Variants in CSMD2 observed in about 807,000 individuals in gnomAD.
CSMD2 encodes the protein CUB and sushi domain-containing protein 2.
Under a neutral mutation model 398.5 loss-of-function variants are expected in CSMD2, and 130 were observed. That is an observed-to-expected ratio of 0.33 (90% CI 0.28 to 0.38). The LOEUF (loss-of-function observed/expected upper bound fraction) is 0.38. CSMD2 is among the 10% of genes least tolerant of loss of function. The probability of loss-of-function intolerance (pLI) is 1.00; values close to 1 mark genes in which losing one functional copy is unlikely to be tolerated. For missense variants in CSMD2, 3,829 were observed against 4,764.9 expected (o/e 0.80, Z 5.78); for synonymous variants, 1,828 against 1,908.5 (o/e 0.96, Z 1.10).
chr1:33,577,121 T>C (rs999188262), intron 49 of CSMD2, among the ~76,000 whole-genome samples, 175 bp downstream of exon 49: 1 of 152,220 alleles, frequency 6.6e-6, no homozygotes, highest in African/African-American at 2.4e-5. Flanking sequence ...ATCTCCCCCA[T>C]GGATCTCAAA....
intron 5 of CSMD2, among the ~76,000 whole-genome samples, chr1:33,908,085 C>CAAAAAAAAAAAAAAAAAA (rs35932181): frequency 2.6e-5 from 2 of 77,164 alleles, no homozygotes; most frequent in African/African-American, 6.1e-5. Flanking sequence ...GACTCCATCT[C>CAAAAAAAAAAAAAAAAAA]AAAAAAAAAA....
rs183084090 is a variant in CSMD2, at chr1:33,536,366, G to A, written c.9879+656C>T. On this transcript the variant is annotated intron_variant, in intron 62 of 70. Transcript: ENST00000373381. ...AGCCTCCCGAGTAGCTGGGACTACA[G>A]GCGCCCGCCACCATGCCCGGCTAAT... Among the ~76,000 whole-genome samples the A allele has an allele frequency of 1.3e-3, 198 of 152,314 alleles. 3 individuals carry two copies. The highest frequency in any genetic ancestry group is 1.9e-3 in the Non-Finnish European group (130 of 68,032).
At chr1:33,969,716 C>T (rs1024468833) in intron 3 of CSMD2, among the ~76,000 whole-genome samples, 13 of 152,198 alleles carry the variant, frequency 8.5e-5, no homozygotes, top group African/African-American at 2.9e-4. Flanking sequence ...CTCTTAGCCA[C>T]TGTGCTGGCT....
At chr1:33,534,188 T>C (rs947905067) in intron 62 of CSMD2, among the ~76,000 whole-genome samples, 4 of 152,186 alleles carry the variant, frequency 2.6e-5, no homozygotes, top group Non-Finnish European at 2.9e-5. Context: ...ATCCGAGTTC[T>C]GGCTTCTGCA....
At chr1:33,952,641 G>A (rs1645041103) in intron 3 of CSMD2, among the ~76,000 whole-genome samples, 1 of 151,882 alleles carries the variant, frequency 6.6e-6, no homozygotes, top group South Asian at 2.1e-4. Context: ...ACAGTCATGA[G>A]TAATCATTTT....
Position 33,716,366 on chromosome 1 carries a change from A to T in CSMD2, c.3137T>A (p.Leu1046His), listed in dbSNP as rs1442296274. 1 of 1,614,148 alleles carries T rather than the reference A, an allele frequency of 6.2e-7. No homozygotes were observed. The change falls in exon 20 of 71, where the codon CTC (leucine) becomes CAC (histidine). Residue 1046 changes from leucine (L) to histidine (H), a missense_variant. Leu to His is a moderately conservative substitution (Grantham distance 99). This residue lies in a region of CSMD2 where 2,001 missense variants were observed against 2,567.1 expected (regional missense o/e 0.78). Coordinates refer to ENST00000373381, the MANE Select transcript of CSMD2 (RefSeq NM_001281956.2). ...GACCTGGGCAGTGAAGTTGCCATAG[A>T]GCCCAGCGCTGATGGGAGCTGGCAG... ...SRLPAPISAGLYGNFTAQVRF... is the reference protein window; with the variant it reads ...SRLPAPISAGHYGNFTAQVRF...
intron 32 of CSMD2, among the ~76,000 whole-genome samples, chr1:33,628,250 C>G (rs567943629): frequency 6.7e-6 from 1 of 150,088 alleles, no homozygotes; most frequent in South Asian, 2.1e-4. Flanking sequence ...TCAGAATCCA[C>G]AGAAAAAGGA....
intron 5 of CSMD2, among the ~76,000 whole-genome samples, chr1:33,891,438 T>A (rs1026066862): frequency 5.3e-5 from 8 of 151,310 alleles, no homozygotes; most frequent in Non-Finnish European, 1.2e-4. Flanking sequence ...GGAACACTTT[T>A]ACACTGTTGG....
At chr1:33,698,569 G>A (rs1456476361) in intron 24 of CSMD2, among the ~76,000 whole-genome samples, 184 bp downstream of exon 24, 1 of 152,194 alleles carries the variant, frequency 6.6e-6, no homozygotes, top group Non-Finnish European at 1.5e-5. Flanking sequence ...GGTGTAATGA[G>A]GTGTGAAAGT....
chr1:34,093,110 G>T (rs1192900769), intron 1 of CSMD2, among the ~76,000 whole-genome samples: 1 of 152,110 alleles, frequency 6.6e-6, no homozygotes, highest in Non-Finnish European at 1.5e-5. Context: ...CCTGACCCCC[G>T]AGCAGCCTAA....
chr1:33,775,369 TA>T (rs991952462), intron 12 of CSMD2, among the ~76,000 whole-genome samples: 2 of 152,140 alleles, frequency 1.3e-5, no homozygotes, highest in African/African-American at 4.8e-5. Context: ...TATTAATTTT[TA>T]AAAAAAATTT....
intron 1 of CSMD2, among the ~76,000 whole-genome samples, chr1:34,104,277 T>G (rs980092572): frequency 1.3e-5 from 2 of 152,250 alleles, no homozygotes; most frequent in Non-Finnish European, 2.9e-5. Context: ...CAGCCAGGTT[T>G]CTGAACACTT....
chr1:34,092,291 A>C (rs2148377945), intron 1 of CSMD2, among the ~76,000 whole-genome samples: 2 of 152,332 alleles, frequency 1.3e-5, no homozygotes, highest in Middle Eastern at 6.8e-3. Flanking sequence ...CAAGTTACAG[A>C]AAAGTTAATT....
At chr1:33,965,441 G>A (rs1645523784) in intron 3 of CSMD2, among the ~76,000 whole-genome samples, 1 of 152,152 alleles carries the variant, frequency 6.6e-6, no homozygotes, top group East Asian at 1.9e-4. Flanking sequence ...TTGGGTGCTG[G>A]TGACCCTCTC....
In CSMD2 at chr1:33,624,728, CCT is replaced by C. The variant is rs111599259; in HGVS notation, c.5501-87_5501-86del. 5,090 of 1,529,560 alleles carry C rather than the reference CCT, an allele frequency of 3.3e-3. 166 individuals carry two copies. In the African/African-American group the frequency reaches 0.063, roughly 19 times the overall value. The allele number at this position is 1,529,560 out of a possible 1,614,324, so 94.7% of individuals were successfully genotyped here. A position where few individuals can be genotyped will look rare whatever the true frequency, so the allele number is the denominator to read the frequency against. On this transcript the variant is annotated intron_variant, in intron 34 of 70. Coordinates refer to ENST00000373381, the MANE Select transcript of CSMD2 (RefSeq NM_001281956.2). This position sits in a 1 kb window ranked among gnomAD's most constrained non-coding sequence, Gnocchi z 4.7. ...CTGACTCCTCCCTCATGGCCCCCAGCCTCTGTTTGTCCTCCTCCCCATGGGGG... is the reference window on the plus strand; with the variant it reads ...CTGACTCCTCCCTCATGGCCCCCAGCCTGTTTGTCCTCCTCCCCATGGGGG...
At chr1:34,024,874 A>G (rs2148125699) in intron 3 of CSMD2, among the ~76,000 whole-genome samples, 1 of 152,318 alleles carries the variant, frequency 6.6e-6, no homozygotes, top group Admixed American at 6.5e-5. Context: ...AGAATTGGGG[A>G]ACTCTTTTGG....
intron 29 of CSMD2, among the ~76,000 whole-genome samples, chr1:33,640,048 C>A (rs1643023368): frequency 6.6e-6 from 1 of 152,136 alleles, no homozygotes. Flanking sequence ...GTCAGCCAAA[C>A]CAAAGCTCAG....
chr1:33,977,877 G>A (rs546505999), intron 3 of CSMD2, among the ~76,000 whole-genome samples: 10 of 152,152 alleles, frequency 6.6e-5, no homozygotes, highest in African/African-American at 9.6e-5. Flanking sequence ...GAAAAAAATC[G>A]CAACAGCTTC....
intron 52 of CSMD2, among the ~76,000 whole-genome samples, chr1:33,569,173 C>A (rs1383168678): frequency 6.6e-6 from 1 of 152,216 alleles, no homozygotes; most frequent in East Asian, 1.9e-4. Flanking sequence ...ATCTGAGGTT[C>A]TTCTCCTTCT....
Sources: allele counts gnomAD v4.1 joint callset (sites outside exome capture counted in the v4.1 genomes callset), GRCh38; gene constraint gnomAD v4.1.1; regional missense constraint gnomAD v4.1.1; non-coding constraint Gnocchi (gnomAD v3.1); transcripts MANE v1.5; gene names NCBI Gene and HGNC (gene_info 2026-07-23, HGNC 2026-07-21).